Variants in WWOX observed in about 807,000 individuals in gnomAD.
The protein encoded by WWOX is WW domain-containing oxidoreductase.
In WWOX, 69 loss-of-function variants were observed where a neutral mutation model predicts 46.2. That is an observed-to-expected ratio of 1.49 (90% CI 1.23 to 1.82). The LOEUF is 1.82. Among genes scored for constraint, WWOX ranks in the 40% most tolerant of loss-of-function variants. The probability of loss-of-function intolerance (pLI) is 0.00; values close to 1 mark genes in which losing one functional copy is unlikely to be tolerated. For synonymous variants in WWOX, 359 were observed against 202.6 expected, an observed-to-expected ratio of 1.77 and a Z score of -6.56; for missense variants, 919 against 542.6, an observed-to-expected ratio of 1.69 and a Z score of -6.89.
rs28521369 is a variant in WWOX at position 78,703,048 on chromosome 16, T to C, written c.1056+270296T>C. ...AGTAATTATGGAATCTTGCAGTGCT[T>C]GTTGGGATCAGAGAAGGCTCCTCCG... On this transcript the variant is annotated intron_variant, in intron 8 of 8. Coordinates refer to ENST00000566780, the MANE Select transcript of WWOX (RefSeq NM_016373.4). 7.9e-5 allele frequency among the ~76,000 whole-genome samples: 12 copies of C among 152,124 alleles called. No homozygotes were observed. In the South Asian group the frequency reaches 1.9e-3, roughly 24 times the overall value.
chr16:78,356,329 A>AT (rs11462329), intron 5 of WWOX, among the ~76,000 whole-genome samples: 2 of 13,188 alleles, frequency 1.5e-4, no homozygotes, highest in Admixed American at 3.9e-4. Context: ...TATTCAAAAT[A>AT]CTCAACTTGT....
chr16:78,386,708 C>G (rs1188055725), intron 5 of WWOX, 152 bp from the exon 6 acceptor site: 7 of 542,296 alleles, frequency 1.3e-5, no homozygotes, highest in East Asian at 1.1e-4. Flanking sequence ...AAGCCCTGTT[C>G]TTCCATTCAT....
intron 8 of WWOX, among the ~76,000 whole-genome samples, chr16:78,435,274 G>A (rs1206642446): frequency 6.6e-6 from 1 of 152,122 alleles, no homozygotes; most frequent in South Asian, 2.1e-4. Flanking sequence ...CTTAGTAATA[G>A]CAGATGCCCA....
At chr16:78,184,626 G>A (rs947974298) in intron 5 of WWOX, among the ~76,000 whole-genome samples, 3 of 151,942 alleles carry the variant, frequency 2.0e-5, no homozygotes, top group African/African-American at 7.3e-5. Context: ...CTGAGAGAAG[G>A]CAAAGACAAA....
At chr16:78,813,931 T>G (rs994713507) in intron 8 of WWOX, among the ~76,000 whole-genome samples, 2 of 152,228 alleles carry the variant, frequency 1.3e-5, no homozygotes, top group African/African-American at 4.8e-5. Context: ...GGCCCCAGTG[T>G]TAACCTTCCT....
intron 5 of WWOX, among the ~76,000 whole-genome samples, chr16:78,215,412 G>A (rs150983841): frequency 9.1e-4 from 138 of 152,272 alleles, no homozygotes; most frequent in Non-Finnish European, 1.2e-3. Context: ...GTGATAGCAC[G>A]TGAGTTCTCG....
At chr16:78,434,412 A>G (rs368343184) in intron 8 of WWOX, among the ~76,000 whole-genome samples, 22 of 152,292 alleles carry the variant, frequency 1.4e-4, no homozygotes, top group African/African-American at 5.1e-4. Context: ...TTCTTTGACC[A>G]TGGTTATGCC....
Position 78,559,085 on chromosome 16 carries a change from A to G in WWOX, c.1056+126333A>G, listed in dbSNP as rs535374982. Among the ~76,000 whole-genome samples, 33 of 152,334 alleles carry G rather than the reference A, an allele frequency of 2.2e-4. No individual in the cohort carries two copies. In the East Asian group the frequency reaches 3.1e-3, roughly 14 times the overall value. On this transcript the variant is annotated intron_variant, in intron 8 of 8. Coordinates refer to ENST00000566780, the MANE Select transcript of WWOX (RefSeq NM_016373.4). The stretch of plus-strand genomic sequence containing the variant: ...CATAGTTCCGTCTGGCTTGGAGCCT[A>G]GCTTGGGAGAGGGACAGTAGTGGGG...
At chr16:78,169,000 C>G (rs369957837) in intron 5 of WWOX, among the ~76,000 whole-genome samples, 26 of 152,134 alleles carry the variant, frequency 1.7e-4, no homozygotes, top group African/African-American at 6.3e-4. Flanking sequence ...CTTAAAAGGC[C>G]AATCCATTTG....
At chr16:78,353,634 G>C (rs2081226822) in intron 5 of WWOX, among the ~76,000 whole-genome samples, 1 of 152,190 alleles carries the variant, frequency 6.6e-6, no homozygotes, top group Non-Finnish European at 1.5e-5. Context: ...TATTATCTTT[G>C]CCATTACCTG....
chr16:78,902,670 G>A (rs1201872971), intron 8 of WWOX, among the ~76,000 whole-genome samples: 1 of 152,224 alleles, frequency 6.6e-6, no homozygotes, highest in Non-Finnish European at 1.5e-5. Context: ...GCTCTGCAGG[G>A]AGGGCAAGAC....
At chr16:78,957,366 T>C (rs143689128) in intron 8 of WWOX, among the ~76,000 whole-genome samples, 399 of 152,352 alleles carry the variant, frequency 2.6e-3, no homozygotes, top group African/African-American at 9.2e-3. Flanking sequence ...TGAGCTGAAT[T>C]GTTCTTTTCC....
chr16:79,040,423 A>G (rs1314113383), intron 8 of WWOX, among the ~76,000 whole-genome samples: 2 of 151,884 alleles, frequency 1.3e-5, no homozygotes, highest in African/African-American at 4.8e-5. Context: ...CACAGGATGC[A>G]CCACCATGGC....
At chr16:79,114,498 G>A (rs1019620929) in intron 8 of WWOX, among the ~76,000 whole-genome samples, 4 of 151,624 alleles carry the variant, frequency 2.6e-5, no homozygotes, top group South Asian at 2.1e-4. Context: ...ATACTGGAGC[G>A]ATGCTGCCAT....
chr16:78,930,270 T>TTC lies in WWOX; in HGVS notation c.1057-281338_1057-281337insTC, dbSNP rs2045593627. On this transcript the variant is annotated intron_variant, in intron 8 of 8. Coordinates refer to ENST00000566780, the MANE Select transcript of WWOX (RefSeq NM_016373.4). The stretch of plus-strand genomic sequence containing the variant: ...TCCTTCCTTCCTTCCTTCCTTCCTT[T>TTC]CTCTCTTTCTTTTTTTATTTTTTTT... Among the ~76,000 whole-genome samples the TTC allele has an allele frequency of 5.3e-4, 29 of 54,692 alleles. 1 individual carries two copies. Among genetic ancestry groups the TTC allele is most frequent in the Non-Finnish European group, 9.5e-4 (25 of 26,354 alleles). 35.9% of individuals were successfully genotyped at this position (54,692 alleles called of 152,430 possible).
intron 8 of WWOX, among the ~76,000 whole-genome samples, chr16:79,177,039 G>T (rs190288779): frequency 4.7e-4 from 71 of 152,220 alleles, no homozygotes; most frequent in Non-Finnish European, 6.0e-4. Context: ...TATTAGGTGG[G>T]CATAATTGCA....
intron 8 of WWOX, among the ~76,000 whole-genome samples, chr16:78,942,099 T>C (rs2045863221): frequency 6.6e-6 from 1 of 152,292 alleles, no homozygotes; most frequent in African/African-American, 2.4e-5. Context: ...AAATTACGTA[T>C]GACTGTGATT....
At chr16:78,828,782 C>T (rs1597683731) in intron 8 of WWOX, among the ~76,000 whole-genome samples, 1 of 152,232 alleles carries the variant, frequency 6.6e-6, no homozygotes, top group South Asian at 2.1e-4. Flanking sequence ...TTCTCTATTG[C>T]AATTGCCATT....
intron 8 of WWOX, among the ~76,000 whole-genome samples, chr16:79,040,740 C>G (rs2047955198): frequency 1.3e-5 from 2 of 152,094 alleles, no homozygotes; most frequent in East Asian, 1.9e-4. Flanking sequence ...AGAGATCCCC[C>G]TAGACTTGTC....
Sources: allele counts gnomAD v4.1 joint callset (sites outside exome capture counted in the v4.1 genomes callset), GRCh38; gene constraint gnomAD v4.1.1; transcripts MANE v1.5; gene names NCBI Gene and HGNC (gene_info 2026-07-23, HGNC 2026-07-21).